The following FAM162A variants were observed in gnomAD, a reference collection of about 807,000 sequenced individuals.
The protein encoded by FAM162A is protein FAM162A.
A neutral mutation model predicts 21.8 loss-of-function variants in FAM162A; 23 were observed. The observed-to-expected ratio is 1.05, with a 90% CI of 0.76 to 1.49. The LOEUF (loss-of-function observed/expected upper bound fraction) is 1.49, where lower values mean the gene tolerates loss of function less well. Ranked by LOEUF, FAM162A falls within the 40% of genes most tolerant of loss-of-function variation. The pLI is 0.00. For synonymous variants in FAM162A, 53 were observed against 61.3 expected (o/e 0.86, Z 0.64); for missense variants, 165 against 186.4 (o/e 0.89, Z 0.67).
At chr3:122,402,092 T>G (rs1438792679) in intron 1 of FAM162A, among the ~76,000 whole-genome samples, 3 of 152,110 alleles carry the variant, frequency 2.0e-5, no homozygotes, top group African/African-American at 7.2e-5. Flanking sequence ...CTAGGTTGTC[T>G]TCCAGGGTTT....
At chr3:122,405,783 G>A (rs964755749) in intron 3 of FAM162A, among the ~76,000 whole-genome samples, 1 of 152,140 alleles carries the variant, frequency 6.6e-6, no homozygotes, top group Non-Finnish European at 1.5e-5. Flanking sequence ...TACTCCCTAT[G>A]GAATGGATTA....
intron 1 of FAM162A, 92 bp downstream of exon 1, chr3:122,384,391 C>A: frequency 1.4e-6 from 2 of 1,431,876 alleles, no homozygotes; most frequent in Non-Finnish European, 1.9e-6. Flanking sequence ...CCCGGAGTGG[C>A]TCCATTCCAT....
intron 3 of FAM162A, among the ~76,000 whole-genome samples, chr3:122,406,996 C>T (rs1410189475): frequency 1.0e-5 from 1 of 96,018 alleles, no homozygotes; most frequent in Non-Finnish European, 2.3e-5. Context: ...ATGCCTTGCC[C>T]ATTTTTTTTT....
intron 4 of FAM162A, chr3:122,407,972 C>G (rs1446598085): frequency 2.0e-5 from 3 of 152,326 alleles, no homozygotes; most frequent in African/African-American, 7.2e-5. Context: ...CTGAACCTCA[C>G]AAAAACACTG....
chr3:122,389,726 A>G (rs2075592300), intron 1 of FAM162A, among the ~76,000 whole-genome samples: 1 of 152,206 alleles, frequency 6.6e-6, no homozygotes, highest in Middle Eastern at 3.2e-3. Flanking sequence ...AAAAATGTAT[A>G]TGTTTTATGT....
At chr3:122,403,671 CT>C (rs1392321537) in intron 2 of FAM162A, among the ~76,000 whole-genome samples, 15 of 152,222 alleles carry the variant, frequency 9.9e-5, no homozygotes, top group African/African-American at 3.4e-4. Context: ...TACAATACTG[CT>C]GTTGTCTTAG....
intron 3 of FAM162A, among the ~76,000 whole-genome samples, chr3:122,405,262 G>C (rs1454700149): frequency 6.6e-6 from 1 of 152,142 alleles, no homozygotes; most frequent in Non-Finnish European, 1.5e-5. Flanking sequence ...AACTATTCCT[G>C]GATCTTCTGG....
In FAM162A at chr3:122,402,794, C is replaced by A; in HGVS notation, c.69C>A (p.Ser23=). The A allele has an allele frequency of 1.3e-6, 2 of 1,579,458 alleles. No homozygotes were observed. Among genetic ancestry groups the A allele is most frequent in the Admixed American group, 1.8e-5 (1 of 55,372 alleles). ...TTAGGTTATGTGAAAGAGATGTTTC[C>A]TCATCTCTAAGGCTTACCAGAAGCT... ...SCFRLCERDV[S]SSLRLTRSSD... The change falls in exon 2 of 5, where the codon TCC becomes TCA. Residue 23 remains serine, a synonymous_variant. Transcript: ENST00000477892.
At chr3:122,397,402 C>G (rs1475901540) in intron 1 of FAM162A, among the ~76,000 whole-genome samples, 1 of 152,184 alleles carries the variant, frequency 6.6e-6, no homozygotes, top group African/African-American at 2.4e-5. Context: ...TTAGCAAATT[C>G]ATTTTTAACC....
chr3:122,406,602 A>G (rs1162338091), intron 3 of FAM162A, among the ~76,000 whole-genome samples: 1 of 152,238 alleles, frequency 6.6e-6, no homozygotes, highest in Non-Finnish European at 1.5e-5. Flanking sequence ...CAAAGACCAC[A>G]ATATCAAGTT....
intron 3 of FAM162A, among the ~76,000 whole-genome samples, chr3:122,406,141 C>T (rs2075675673): frequency 1.3e-5 from 2 of 152,202 alleles, no homozygotes; most frequent in South Asian, 4.1e-4. Flanking sequence ...GGAAAGAAAG[C>T]ACTTCAATCC....
chr3:122,402,710 A>T, intron 1 of FAM162A, 50 bp from the exon 2 acceptor site: 1 of 1,402,334 alleles, frequency 7.1e-7, no homozygotes, highest in East Asian at 2.4e-5. Context: ...TTGAGAAAAC[A>T]TCACATTTTC....
intron 4 of FAM162A, chr3:122,407,992 T>C (rs2075684513): frequency 6.6e-6 from 1 of 152,322 alleles, no homozygotes; most frequent in Non-Finnish European, 1.5e-5. Flanking sequence ...GTAAGATAAG[T>C]ATTATTAGGA....
chr3:122,407,364 T>G lies in FAM162A; in HGVS notation c.347T>G (p.Ile116Ser). The G allele has an allele frequency of 6.2e-7, 1 of 1,614,010 alleles. No individual in the cohort carries two copies. Among genetic ancestry groups the G allele is most frequent in the Non-Finnish European group, 8.5e-7 (1 of 1,179,928 alleles). ...LMIALTVVGC[I>S]FMVIEGKKAA... is the part of the protein sequence containing the mutation. ...ATTGCCCTGACGGTGGTAGGATGCA[T>G]CTTCATGGTTATTGAGGGCAAGAAG... The change falls in exon 4 of 5, where the codon ATC becomes AGC. Residue 116 changes from isoleucine to serine, a missense_variant. Coordinates refer to ENST00000477892, the MANE Select transcript of FAM162A (RefSeq NM_014367.4).
chr3:122,386,796 T>C (rs1315129500), intron 1 of FAM162A, among the ~76,000 whole-genome samples: 2 of 152,212 alleles, frequency 1.3e-5, no homozygotes, highest in African/African-American at 4.8e-5. Context: ...GATGTAGTTG[T>C]AGATACAGAT....
At position 122,397,193 on chromosome 3, in the gene FAM162A, T is replaced by C. The variant is rs753859470; in HGVS notation, c.35-5567T>C. Among the ~76,000 whole-genome samples the C allele has an allele frequency of 4.6e-5, 7 of 152,314 alleles. No individual in the cohort carries two copies. In the South Asian group the frequency reaches 1.0e-3, roughly 23 times the overall value. ...CACAGTAGTGTCTTTTAAATTGTTA[T>C]GTTCAAAAGATTTTTTTTTTTAACA... On this transcript the variant is annotated intron_variant, in intron 1 of 4. Coordinates refer to ENST00000477892, the MANE Select transcript of FAM162A (RefSeq NM_014367.4).
In FAM162A at chr3:122,409,897, A is replaced by G. The variant is rs767352176; in HGVS notation, c.*66A>G. On this transcript the variant is annotated 3_prime_UTR_variant, in exon 5 of 5. Coordinates refer to ENST00000477892, the MANE Select transcript of FAM162A (RefSeq NM_014367.4). ...TTATGTTATAACGTGCCTGTATTAA[A>G]AAGGATGTGGTATGAGGATCCATTT... 76 of 1,373,216 alleles carry G rather than the reference A, an allele frequency of 5.5e-5. No homozygotes were observed. The highest frequency in any genetic ancestry group is 7.9e-5 in the Non-Finnish European group (76 of 963,030). 85.1% of individuals were successfully genotyped at this position (1,373,216 alleles called of 1,614,324 possible). A position where few individuals can be genotyped will look rare whatever the true frequency, so the allele number is the denominator to read the frequency against.
At chr3:122,397,823 A>C (rs1261022995) in intron 1 of FAM162A, among the ~76,000 whole-genome samples, 1 of 152,236 alleles carries the variant, frequency 6.6e-6, no homozygotes, top group East Asian at 1.9e-4. Flanking sequence ...GTTCACTGAA[A>C]AGGCAAAAAC....
At position 122,410,093 on chromosome 3, in the gene FAM162A, C is replaced by A; in HGVS notation, c.*262C>A. On this transcript the variant is annotated 3_prime_UTR_variant, in exon 5 of 5. Coordinates refer to ENST00000477892, the MANE Select transcript of FAM162A (RefSeq NM_014367.4). The stretch of plus-strand genomic sequence containing the variant: ...ATTTATTTCAACTTGAATACCAACT[C>A]TTCAGAGAAGCAGGTACCATATCTT... 2.3e-6 allele frequency: 1 copy of A among 437,978 alleles called. No individual in the cohort carries two copies. The highest frequency in any genetic ancestry group is 3.4e-5 in the Admixed American group (1 of 29,416). The allele number at this position is 437,978 out of a possible 1,614,324, so 27.1% of individuals were successfully genotyped here.
Sources: gnomAD v4.1 joint callset for allele counts (sites outside exome capture counted in the v4.1 genomes callset) on GRCh38, gnomAD v4.1.1 for gene constraint, MANE v1.5 for transcripts, NCBI Gene and HGNC (gene_info 2026-07-23, HGNC 2026-07-21) for gene names.